GALNT13: variants seen among roughly 807,000 people sequenced by gnomAD.
GALNT13 encodes the protein polypeptide N-acetylgalactosaminyltransferase 13.
GALNT13 carries 28 observed loss-of-function variants against 64.2 expected under a neutral mutation model. The observed-to-expected ratio is 0.44, with a 90% confidence interval of 0.32 to 0.60. The LOEUF (loss-of-function observed/expected upper bound fraction) is 0.60. Ranked by LOEUF, GALNT13 falls within the 20% of genes least tolerant of loss-of-function variation. The pLI is 0.05. For synonymous variants in GALNT13, 214 were observed against 224.6 expected, an observed-to-expected ratio of 0.95 and a Z score of 0.42; for missense variants, 577 against 669.8, an observed-to-expected ratio of 0.86 and a Z score of 1.53.
chr2:154,261,163 T>A (rs892719983), intron 8 of GALNT13, among the ~76,000 whole-genome samples: 3 of 152,240 alleles, frequency 2.0e-5, no homozygotes, highest in Non-Finnish European at 2.9e-5. Flanking sequence ...ATGATGCAGA[T>A]ACCAAGGGTA....
the GALNT13 span, among the ~76,000 whole-genome samples, chr2:153,470,013 TAA>T: frequency 6.6e-6 from 1 of 152,124 alleles, no homozygotes; most frequent in African/African-American, 2.4e-5. Context: ...AAAAAAATTA[TAA>T]AAGTCTTTTT....
intron 9 of GALNT13, among the ~76,000 whole-genome samples, chr2:154,315,836 T>A (rs17810469): frequency 0.19 from 29,367 of 152,152 alleles, 3,312 homozygotes; most frequent in Middle Eastern, 0.35. Flanking sequence ...TTCTAAGCAC[T>A]CAGGGACACT....
chr2:154,455,665 T>C (rs541088544), downstream of GALNT13, among the ~76,000 whole-genome samples: 21 of 152,314 alleles, frequency 1.4e-4, no homozygotes, highest in Non-Finnish European at 2.6e-4. Flanking sequence ...ATATCAGCTA[T>C]TGTATGAATT....
chr2:153,496,547 G>A, the GALNT13 span, among the ~76,000 whole-genome samples: 1 of 151,806 alleles, frequency 6.6e-6, no homozygotes, highest in Non-Finnish European at 1.5e-5. Context: ...CCAGTAATTG[G>A]GTAAAAATAA....
At chr2:154,034,363 A>G (rs758809797) in intron 3 of GALNT13, among the ~76,000 whole-genome samples, 2 of 152,218 alleles carry the variant, frequency 1.3e-5, no homozygotes, top group East Asian at 3.9e-4. Flanking sequence ...ATTGGAAAAT[A>G]TCATGTAAAT....
chr2:153,749,994 G>T, the GALNT13 span, among the ~76,000 whole-genome samples: 3 of 151,738 alleles, frequency 2.0e-5, no homozygotes, highest in Non-Finnish European at 4.4e-5. Context: ...GTTGAGGTAT[G>T]TTCCTTCTAT....
At chr2:154,438,796 T>C in intron 12 of GALNT13, 70 bp downstream of exon 12, 1 of 1,264,902 alleles carries the variant, frequency 7.9e-7, no homozygotes. Context: ...CATTCAACAT[T>C]TAAATCTTAA....
At chr2:153,753,898 C>A in the GALNT13 span, among the ~76,000 whole-genome samples, 1 of 152,212 alleles carries the variant, frequency 6.6e-6, no homozygotes, top group East Asian at 1.9e-4. Context: ...TTCTATTTTA[C>A]TGCAGCTGAG....
At chr2:154,059,446 A>G (rs865966829) in intron 3 of GALNT13, among the ~76,000 whole-genome samples, 1 of 152,356 alleles carries the variant, frequency 6.6e-6, no homozygotes. Context: ...CAGAAATAGC[A>G]TGGACTTCAT....
At chr2:154,431,296 G>A (rs1700698844) in intron 11 of GALNT13, among the ~76,000 whole-genome samples, 1 of 152,180 alleles carries the variant, frequency 6.6e-6, no homozygotes, top group Admixed American at 6.5e-5. Flanking sequence ...AACGTGTACT[G>A]CTGGAACAAG....
At chr2:154,051,178 T>C (rs1200980415) in intron 3 of GALNT13, among the ~76,000 whole-genome samples, 1 of 152,194 alleles carries the variant, frequency 6.6e-6, no homozygotes, top group Non-Finnish European at 1.5e-5. Flanking sequence ...ACATTAAATG[T>C]TCAGAATGTC....
chr2:154,010,235 G>T (rs1487429041), intron 3 of GALNT13, among the ~76,000 whole-genome samples: 2 of 152,060 alleles, frequency 1.3e-5, no homozygotes, highest in Non-Finnish European at 2.9e-5. Flanking sequence ...TTTTCTCATA[G>T]ATGGCTCTTA....
chr2:153,297,829 A>T, the GALNT13 span, among the ~76,000 whole-genome samples: 5 of 152,226 alleles, frequency 3.3e-5, no homozygotes, highest in Admixed American at 3.3e-4. Flanking sequence ...TAGCAAGAGC[A>T]GGTCTCTCTG....
At chr2:153,562,768 T>C in the GALNT13 span, among the ~76,000 whole-genome samples, 1 of 152,194 alleles carries the variant, frequency 6.6e-6, no homozygotes, top group Non-Finnish European at 1.5e-5. Context: ...CATTTTATCT[T>C]ATGAAGTGTC....
chr2:153,393,971 C>T, the GALNT13 span, among the ~76,000 whole-genome samples: 1 of 110,012 alleles, frequency 9.1e-6, no homozygotes, highest in Non-Finnish European at 1.9e-5. Context: ...CACACACACA[C>T]ACACACACAC....
the GALNT13 span, among the ~76,000 whole-genome samples, chr2:153,557,252 C>T: frequency 6.6e-6 from 1 of 152,096 alleles, no homozygotes; most frequent in East Asian, 1.9e-4. Flanking sequence ...GATTTGTAGC[C>T]TAGGAGCAGC....
At chr2:153,491,160 A>G in the GALNT13 span, among the ~76,000 whole-genome samples, 1 of 152,210 alleles carries the variant, frequency 6.6e-6, no homozygotes, top group Admixed American at 6.5e-5. Flanking sequence ...AAAAAAGCAA[A>G]ATCATTCAAA....
At chr2:153,592,787 C>T in the GALNT13 span, 374 of 152,374 alleles carry the variant, frequency 2.5e-3, 3 homozygotes, top group African/African-American at 8.7e-3. Flanking sequence ...GAAAGGGAGA[C>T]CCTCCTCTCC....
intron 9 of GALNT13, among the ~76,000 whole-genome samples, chr2:154,347,273 T>C (rs1696120964): frequency 6.6e-6 from 1 of 152,128 alleles, no homozygotes; most frequent in Non-Finnish European, 1.5e-5. Context: ...TGTCAGGACC[T>C]TAGTATATTG....
Sources: gnomAD v4.1 joint callset for allele counts (sites outside exome capture counted in the v4.1 genomes callset) on GRCh38, gnomAD v4.1.1 for gene constraint, MANE v1.5 for transcripts, NCBI Gene and HGNC (gene_info 2026-07-23, HGNC 2026-07-21) for gene names.